Variants in LCOR observed in about 807,000 individuals in gnomAD.
The protein encoded by LCOR is ligand dependent nuclear receptor corepressor, also known as ligand-dependent corepressor.
In LCOR, 14 loss-of-function variants were observed where a neutral mutation model predicts 64.4. The observed-to-expected ratio is 0.22, with a 90% CI of 0.14 to 0.34. The LOEUF (loss-of-function observed/expected upper bound fraction) is 0.34, where lower values mean the gene tolerates loss of function less well. Among genes scored for constraint, LCOR ranks in the 10% least tolerant of loss-of-function variants. LCOR has a pLI of 1.00. For missense variants in LCOR, 1,686 were observed against 1,765.3 expected (o/e 0.96, Z 0.80); for synonymous variants, 643 against 642.5 (o/e 1.00, Z -0.01).
chr10:96,854,410 T>C (rs1354687657), intron 2 of LCOR, among the ~76,000 whole-genome samples: 1 of 152,138 alleles, frequency 6.6e-6, no homozygotes, highest in Non-Finnish European at 1.5e-5. Context: ...AACCACAGCC[T>C]CCGCCTCCTG....
chr10:96,954,991 T>C, intron 7 of LCOR: 1 of 1,613,974 alleles, frequency 6.2e-7, no homozygotes. Flanking sequence ...CCAGACGGAC[T>C]TCGGAGTGGT....
chr10:96,919,300 C>T (rs925764854), intron 4 of LCOR, among the ~76,000 whole-genome samples: 1 of 152,108 alleles, frequency 6.6e-6, no homozygotes, highest in Non-Finnish European at 1.5e-5. Context: ...TTCTTTCTTT[C>T]TGCCCATGAG....
At chr10:96,925,942 A>G (rs1015950510) in intron 4 of LCOR, among the ~76,000 whole-genome samples, 9 of 152,112 alleles carry the variant, frequency 5.9e-5, no homozygotes, top group Admixed American at 2.0e-4. Flanking sequence ...TTCTTATTCT[A>G]TGCAATAAGT....
chr10:96,889,544 G>A (rs1473295635), intron 2 of LCOR, among the ~76,000 whole-genome samples: 3 of 152,140 alleles, frequency 2.0e-5, no homozygotes, highest in Non-Finnish European at 2.9e-5. Flanking sequence ...GATCTCGAGC[G>A]TGTGTGCACC....
intron 7 of LCOR, among the ~76,000 whole-genome samples, chr10:96,954,754 T>C (rs1015371579): frequency 1.3e-5 from 2 of 152,174 alleles, no homozygotes; most frequent in African/African-American, 4.8e-5. Context: ...TTTTTTTCTT[T>C]TTCCTTTTTC....
At chr10:96,848,258 C>T (rs1189204662) in intron 2 of LCOR, among the ~76,000 whole-genome samples, 1 of 152,152 alleles carries the variant, frequency 6.6e-6, no homozygotes, top group Non-Finnish European at 1.5e-5. Flanking sequence ...ATGCTGCTGC[C>T]AATCTGTAGT....
chr10:96,873,948 G>A (rs1846120923), intron 2 of LCOR, among the ~76,000 whole-genome samples: 1 of 152,114 alleles, frequency 6.6e-6, no homozygotes, highest in African/African-American at 2.4e-5. Flanking sequence ...TGGGTTGACT[G>A]AGGGACATTC....
At position 96,981,075 on chromosome 10, in the gene LCOR, G is replaced by A. The variant is rs1187618502; in HGVS notation, c.615G>A (p.Leu205=). ...LDMKSSASVD[L]FVDSSDSHSP... Reference sequence around the variant, plus strand: ...TGAAGTCTTCTGCTTCTGTAGATTTGTTCGTAGACTCGTCAGACTCTCACA... The same window carrying A: ...TGAAGTCTTCTGCTTCTGTAGATTTATTCGTAGACTCGTCAGACTCTCACA... Residue 205 remains leucine (L), a synonymous_variant, in exon 8 of 8, where the codon TTG becomes TTA. Coordinates refer to ENST00000421806, the MANE Select transcript of LCOR (RefSeq NM_001346516.2). 2 of 703,006 alleles carry A rather than the reference G, an allele frequency of 2.8e-6. No individual in the cohort carries two copies. Among genetic ancestry groups the A allele is most frequent in the Middle Eastern group, 2.3e-4 (1 of 4,370 alleles). 43.5% of individuals were successfully genotyped at this position (703,006 alleles called of 1,614,324 possible). A position where few individuals can be genotyped will look rare whatever the true frequency, so the allele number is the denominator to read the frequency against.
chr10:96,898,149 C>CA (rs966098298), intron 2 of LCOR, among the ~76,000 whole-genome samples: 3 of 151,644 alleles, frequency 2.0e-5, no homozygotes, highest in Admixed American at 6.6e-5. Context: ...GATTAAATAC[C>CA]AAAAAAAGGT....
intron 2 of LCOR, among the ~76,000 whole-genome samples, chr10:96,861,618 T>C (rs1263560508): frequency 1.3e-5 from 2 of 152,084 alleles, no homozygotes; most frequent in Non-Finnish European, 1.5e-5. Context: ...TGATCACAGC[T>C]CACTGCATCC....
At chr10:96,833,281 GGCC>G (rs1230538249) in intron 1 of LCOR, 122 bp from the exon 2 acceptor site, 15 of 952,218 alleles carry the variant, frequency 1.6e-5, no homozygotes, top group African/African-American at 1.8e-5. Context: ...CCGGACCTTG[GGCC>G]GCCCTCGGGT....
chr10:96,868,278 C>CTT (rs528398644), intron 2 of LCOR, among the ~76,000 whole-genome samples: 21 of 136,626 alleles, frequency 1.5e-4, no homozygotes, highest in East Asian at 6.4e-4. Flanking sequence ...CTTTTCTTTT[C>CTT]TTTTTTTTTT....
chr10:96,840,713 C>T (rs1053791697), intron 2 of LCOR, among the ~76,000 whole-genome samples: 8 of 152,156 alleles, frequency 5.3e-5, no homozygotes, highest in Non-Finnish European at 8.8e-5. Flanking sequence ...TTTCTTTAGA[C>T]TTTAAATGTT....
Position 96,984,354 on chromosome 10 carries a change from A to C in LCOR, c.3894A>C (p.Pro1298=), listed in dbSNP as rs1346630986. 1 of 1,614,080 alleles carries C rather than the reference A, an allele frequency of 6.2e-7. No individual in the cohort carries two copies. Among genetic ancestry groups the C allele is most frequent in the African/African-American group, 1.3e-5 (1 of 74,954 alleles). ...EVKEDRNSHP[P]ANLPTPASTR... is the part of the protein sequence containing the mutation. Reference sequence around the variant, plus strand: ...AGGAAGATAGAAACAGTCATCCTCCAGCAAACCTGCCCACTCCAGCCAGTA... The same window carrying C: ...AGGAAGATAGAAACAGTCATCCTCCCGCAAACCTGCCCACTCCAGCCAGTA... Residue 1298 remains proline (P), a synonymous_variant, in exon 8 of 8, where the codon CCA becomes CCC. Coordinates refer to ENST00000421806, the MANE Select transcript of LCOR (RefSeq NM_001346516.2).
chr10:96,898,623 C>G (rs1019131429), intron 2 of LCOR, among the ~76,000 whole-genome samples: 1 of 152,106 alleles, frequency 6.6e-6, no homozygotes, highest in South Asian at 2.1e-4. Flanking sequence ...ATGAAAAGAG[C>G]CTGGGCTTTA....
rs745525574 is a variant in LCOR, at chr10:96,984,198, C to G, written c.3738C>G (p.Thr1246=). The G allele has an allele frequency of 1.2e-6, 2 of 1,614,070 alleles. No homozygotes were observed. Among genetic ancestry groups the G allele is most frequent in the Non-Finnish European group, 1.7e-6 (2 of 1,180,006 alleles). The change falls in exon 8 of 8, where the codon ACC becomes ACG. Residue 1246 remains threonine (T), a synonymous_variant. Coordinates refer to ENST00000421806, the MANE Select transcript of LCOR (RefSeq NM_001346516.2). ...KKHLKKFPGA[T]PAKNNWKMQK... ...ACTTGAAGAAATTTCCTGGAGCTAC[C>G]CCTGCTAAGAATAATTGGAAAATGC...
chr10:96,914,436 A>T (rs1846901692), intron 4 of LCOR, among the ~76,000 whole-genome samples: 2 of 152,210 alleles, frequency 1.3e-5, no homozygotes, highest in African/African-American at 4.8e-5. Flanking sequence ...ACCTCAGGTG[A>T]TGCGCCTGCC....
chr10:96,859,088 G>A (rs554583339), intron 2 of LCOR, among the ~76,000 whole-genome samples: 3 of 152,034 alleles, frequency 2.0e-5, no homozygotes, highest in East Asian at 1.9e-4. Context: ...TTATGAACTC[G>A]GAAGTTCAGA....
chr10:96,954,894 A>C, intron 7 of LCOR: 1 of 1,409,356 alleles, frequency 7.1e-7, no homozygotes, highest in Non-Finnish European at 9.8e-7. Context: ...TGGTCCCCTC[A>C]CCCATCCCTC....
Sources: allele counts gnomAD v4.1 joint callset (sites outside exome capture counted in the v4.1 genomes callset), GRCh38; gene constraint gnomAD v4.1.1; transcripts MANE v1.5; gene names NCBI Gene and HGNC (gene_info 2026-07-23, HGNC 2026-07-21).